ANKRD30A: variants seen among roughly 807,000 people sequenced by gnomAD.
The protein encoded by ANKRD30A is ankyrin repeat domain-containing protein 30A.
In ANKRD30A, 170 loss-of-function variants were observed where a neutral mutation model predicts 166.3. That is an observed-to-expected ratio of 1.02 (90% CI 0.90 to 1.16). The LOEUF (loss-of-function observed/expected upper bound fraction) is 1.16. Among genes scored for constraint, ANKRD30A ranks in the 50% most tolerant of loss-of-function variants. ANKRD30A has a pLI of 0.00. For synonymous variants in ANKRD30A, 564 were observed against 508.9 expected (o/e 1.11, Z -1.46); for missense variants, 1,630 against 1,518.0 (o/e 1.07, Z -1.23).
chr10:37,235,976 G>A (rs1478483998), downstream of ANKRD30A, among the ~76,000 whole-genome samples: 1 of 151,924 alleles, frequency 6.6e-6, no homozygotes, highest in Non-Finnish European at 1.5e-5. Context: ...CACTGTGTTA[G>A]CCAGGATGGT....
intron 15 of ANKRD30A, among the ~76,000 whole-genome samples, chr10:37,160,082 G>T (rs946844062): frequency 2.0e-5 from 3 of 152,120 alleles, no homozygotes; most frequent in African/African-American, 7.2e-5. Context: ...TATTTTAGAT[G>T]GACCCAATAC....
chr10:37,234,671 T>A (rs948401373), downstream of ANKRD30A, among the ~76,000 whole-genome samples: 2 of 152,214 alleles, frequency 1.3e-5, no homozygotes, highest in South Asian at 4.1e-4. Context: ...GACTCATTTC[T>A]ACATTGATTG....
intron 29 of ANKRD30A, among the ~76,000 whole-genome samples, chr10:37,198,618 T>C (rs954851754): frequency 1.3e-5 from 2 of 152,052 alleles, no homozygotes; most frequent in Non-Finnish European, 2.9e-5. Context: ...ACACGTTGTA[T>C]CTCTGAAACT....
rs376287588 is a variant in ANKRD30A, at chr10:37,201,380, A to T, written c.2869+55A>T. ...TTTGACCAAGTATTTCTCTAAAATG[A>T]TGAGGAAGGATATGCTCTAATAGCT... On this transcript the variant is annotated intron_variant, in intron 31 of 35. Coordinates refer to ENST00000361713, the MANE Select transcript of ANKRD30A (RefSeq NM_052997.3). The T allele has an allele frequency of 1.1e-4, 144 of 1,340,282 alleles. 1 individual carries two copies. The African/African-American group carries it at 1.7e-3, about 16-fold the overall frequency. The allele number at this position is 1,340,282 out of a possible 1,614,324, so 83.0% of individuals were successfully genotyped here.
At chr10:37,224,474 G>A (rs550485309) in intron 34 of ANKRD30A, among the ~76,000 whole-genome samples, 41 of 146,792 alleles carry the variant, frequency 2.8e-4, no homozygotes, top group African/African-American at 7.6e-4. Flanking sequence ...ACACACACAC[G>A]TGTATATATA....
At position 37,231,501 on chromosome 10, in the gene ANKRD30A, A is replaced by G. The variant is rs1170831219; in HGVS notation, c.*32A>G. The G allele has an allele frequency of 4.4e-6, 7 of 1,578,804 alleles. No homozygotes were observed. The highest frequency in any genetic ancestry group is 6.0e-6 in the Non-Finnish European group (7 of 1,158,920). ...AGCAGTAAGAAACTTCTTTTGGAGA[A>G]ACAACAGACCAGATCTTTACTCACA... On this transcript the variant is annotated 3_prime_UTR_variant, in exon 35 of 36. Transcript: ENST00000361713.
At chr10:37,161,788 A>C (rs1838899641) in intron 15 of ANKRD30A, among the ~76,000 whole-genome samples, 1 of 152,200 alleles carries the variant, frequency 6.6e-6, no homozygotes, top group Non-Finnish European at 1.5e-5. Flanking sequence ...TTTATGTTTA[A>C]GGAAGTGTGT....
Position 37,134,055 on chromosome 10 carries a change from TA to T in ANKRD30A, c.755+4del, listed in dbSNP as rs1165085757. The stretch of plus-strand genomic sequence containing the variant: ...TGCTGTTACTTGTGGATTTCATCAG[TA>T]AGTGTTTACGTTTAGAGGCTAGGTG... On this transcript the variant is annotated splice_donor_region_variant and intron_variant, in intron 5 of 35. Coordinates refer to ENST00000361713, the MANE Select transcript of ANKRD30A (RefSeq NM_052997.3). The T allele has an allele frequency of 6.2e-7, 1 of 1,613,810 alleles. No homozygotes were observed. The highest frequency in any genetic ancestry group is 8.5e-7 in the Non-Finnish European group (1 of 1,179,818).
intron 15 of ANKRD30A, among the ~76,000 whole-genome samples, chr10:37,161,128 T>C (rs970843353): frequency 1.3e-5 from 2 of 152,112 alleles, no homozygotes; most frequent in Non-Finnish European, 2.9e-5. Flanking sequence ...GTGGCACGCA[T>C]TTCTAATAAG....
chr10:37,131,673 A>T (rs745754796), intron 3 of ANKRD30A, among the ~76,000 whole-genome samples: 23 of 152,202 alleles, frequency 1.5e-4, no homozygotes, highest in Non-Finnish European at 3.1e-4. Flanking sequence ...GTATCCCTGA[A>T]ATTCTAATTT....
rs1299119060 is a variant in ANKRD30A at position 37,125,920 on chromosome 10, G to A, written c.133G>A (p.Ala45Thr). ...TGGGGATCTTAGAAAGATCCATAAA[G>A]CTGCCTCCCGGGGACAAGTCCGGAA... ...HSGDLRKIHK[A>T]ASRGQVRKLE... Residue 45 changes from alanine to threonine, a missense_variant, in exon 1 of 36, where the codon GCT (alanine) becomes ACT (threonine). Ala to Thr is a moderately conservative substitution (Grantham distance 58). This residue lies in a region of ANKRD30A where 904 missense variants were observed against 818.5 expected (regional missense o/e 1.10). Coordinates refer to ENST00000361713, the MANE Select transcript of ANKRD30A (RefSeq NM_052997.3). The A allele has an allele frequency of 5.0e-6, 8 of 1,609,846 alleles. No homozygotes were observed. In the Admixed American group the frequency reaches 1.2e-4, roughly 23 times the overall value.
In ANKRD30A at chr10:37,162,767, C is replaced by T. The variant is rs778099308; in HGVS notation, c.1930-9C>T. On this transcript the variant is annotated splice_polypyrimidine_tract_variant and intron_variant, in intron 16 of 35. Coordinates refer to ENST00000361713, the MANE Select transcript of ANKRD30A (RefSeq NM_052997.3). The stretch of plus-strand genomic sequence containing the variant: ...CTTTATTAATCATTTTGCTTCCAAC[C>T]CCATTTAGCCTGCCACTGAAATGCA... 2.5e-6 allele frequency: 4 copies of T among 1,613,658 alleles called. No individual in the cohort carries two copies. Among genetic ancestry groups the T allele is most frequent in the South Asian group, 1.1e-5 (1 of 91,062 alleles).
intron 27 of ANKRD30A, among the ~76,000 whole-genome samples, chr10:37,196,784 G>A (rs1483528986): frequency 2.0e-5 from 3 of 152,064 alleles, no homozygotes; most frequent in African/African-American, 7.2e-5. Context: ...GGAAAAAAAT[G>A]AATATTCATT....
the ANKRD30A span, among the ~76,000 whole-genome samples, chr10:37,260,609 G>A: frequency 3.3e-5 from 5 of 152,206 alleles, no homozygotes; most frequent in African/African-American, 7.2e-5. Context: ...TTATGATTCC[G>A]TCATTACTGT....
Position 37,219,177 on chromosome 10 carries a change from A to G in ANKRD30A, c.3465A>G (p.Glu1155=), listed in dbSNP as rs878865344. 51 of 1,610,478 alleles carry G rather than the reference A, an allele frequency of 3.2e-5. No individual in the cohort carries two copies. The highest frequency in any genetic ancestry group is 4.0e-5 in the Non-Finnish European group (47 of 1,177,576). ...ELQMTLKLKE[E]SLTKRASQYS... ...AGATGACCCTAAAACTGAAAGAGGA[A>G]TCATTAACTAAAAGGGCATCTCAAT... Residue 1155 remains glutamate, a synonymous_variant, in exon 34 of 36, where the codon GAA becomes GAG. Coordinates refer to ENST00000361713, the MANE Select transcript of ANKRD30A (RefSeq NM_052997.3).
At chr10:37,200,003 C>A (rs1200895) in intron 30 of ANKRD30A, among the ~76,000 whole-genome samples, 85,831 of 151,748 alleles carry the variant, frequency 0.57, 24,824 homozygotes, top group African/African-American at 0.64. Context: ...TTAAGAAGCC[C>A]GTGTGGTACA....
At chr10:37,162,736 T>A in intron 16 of ANKRD30A, 40 bp from the exon 17 acceptor site, 1 of 1,613,384 alleles carries the variant, frequency 6.2e-7, no homozygotes, top group Non-Finnish European at 8.5e-7. Flanking sequence ...TTGTGAAGTA[T>A]ACATTCTTTA....
In ANKRD30A at chr10:37,189,833, A is replaced by C. The variant is rs552694398; in HGVS notation, c.2512+276A>C. 9.0e-3 allele frequency among the ~76,000 whole-genome samples: 1,358 copies of C among 151,518 alleles called. 22 individuals are homozygous for C. The highest frequency in any genetic ancestry group is 0.015 in the Non-Finnish European group (1,009 of 67,972). ...AGAAAGAAGAAAGTAGTAATAGAGT[A>C]AATGAAGACTGAGAAAGACAGAGCG... is the stretch of plus-strand genomic sequence containing the variant. On this transcript the variant is annotated intron_variant, in intron 25 of 35. Coordinates refer to ENST00000361713, the MANE Select transcript of ANKRD30A (RefSeq NM_052997.3).
intron 12 of ANKRD30A, among the ~76,000 whole-genome samples, 192 bp downstream of exon 12, chr10:37,152,313 T>A (rs1460459138): frequency 3.9e-5 from 6 of 152,102 alleles, no homozygotes; most frequent in Non-Finnish European, 8.8e-5. Flanking sequence ...ATTCTGGGAA[T>A]TTGTACGATT....
Sources: allele counts gnomAD v4.1 joint callset (sites outside exome capture counted in the v4.1 genomes callset), GRCh38; gene constraint gnomAD v4.1.1; regional missense constraint gnomAD v4.1.1; transcripts MANE v1.5; gene names NCBI Gene and HGNC (gene_info 2026-07-23, HGNC 2026-07-21).